Variants in TTC27 observed in about 807,000 individuals in gnomAD.
The protein encoded by TTC27 is tetratricopeptide repeat domain 27.
A neutral mutation model predicts 115.9 loss-of-function variants in TTC27; 79 were observed. That is an observed-to-expected ratio of 0.68 (90% confidence interval 0.57 to 0.82). The LOEUF is 0.82. Ranked by LOEUF, TTC27 falls within the 40% of genes least tolerant of loss-of-function variation. The pLI is 0.00. For synonymous variants in TTC27, 401 were observed against 356.0 expected, an observed-to-expected ratio of 1.13 and a Z score of -1.42; for missense variants, 1,054 against 993.1, an observed-to-expected ratio of 1.06 and a Z score of -0.82.
chr2:32,801,364 T>G (rs1670928256), intron 16 of TTC27, among the ~76,000 whole-genome samples: 1 of 152,172 alleles, frequency 6.6e-6, no homozygotes, highest in Non-Finnish European at 1.5e-5. Context: ...TTCTGCACCT[T>G]TTCCAGCTTC....
At chr2:32,659,894 T>C (rs576609274) in intron 5 of TTC27, among the ~76,000 whole-genome samples, 2 of 152,304 alleles carry the variant, frequency 1.3e-5, no homozygotes, top group Non-Finnish European at 2.9e-5. Flanking sequence ...ATGTGCCACA[T>C]TTTCTTTATC....
chr2:32,630,735 G>C, intron 2 of TTC27, 35 bp downstream of exon 2: 2 of 1,570,466 alleles, frequency 1.3e-6, no homozygotes, highest in Non-Finnish European at 1.7e-6. Flanking sequence ...TAGAGGAACA[G>C]AGCAAATACA....
chr2:32,638,896 A>C (rs1335038775), intron 3 of TTC27, among the ~76,000 whole-genome samples: 2 of 151,698 alleles, frequency 1.3e-5, no homozygotes, highest in Non-Finnish European at 2.9e-5. Context: ...GCAGTGGCAC[A>C]ATCTGGGCTC....
At chr2:32,673,942 G>A (rs931991545) in intron 8 of TTC27, among the ~76,000 whole-genome samples, 6 of 151,968 alleles carry the variant, frequency 3.9e-5, no homozygotes, top group African/African-American at 1.2e-4. Context: ...CTGAGATCAC[G>A]CCACTGCACT....
chr2:32,628,787 A>G lies in TTC27; in HGVS notation c.88+407A>G, dbSNP rs899092306. ...TTTATTTATTTATTTATTGAGACGG[A>G]GTTTTGCTTTTTGCCCAGGCTGGAG... is the stretch of plus-strand genomic sequence containing the variant. On this transcript the variant is annotated intron_variant, in intron 1 of 19. Transcript: ENST00000317907. 4.0e-5 allele frequency among the ~76,000 whole-genome samples: 6 copies of G among 149,848 alleles called. No individual in the cohort carries two copies. In the South Asian group the frequency reaches 1.3e-3, roughly 32 times the overall value.
intron 13 of TTC27, among the ~76,000 whole-genome samples, chr2:32,774,146 T>C (rs1006303263): frequency 2.6e-5 from 4 of 151,648 alleles, no homozygotes; most frequent in Admixed American, 6.6e-5. Context: ...TAGAGTTAAA[T>C]AAAATGTTAT....
intron 3 of TTC27, among the ~76,000 whole-genome samples, chr2:32,636,237 G>A (rs555988314): frequency 5.3e-5 from 8 of 152,048 alleles, no homozygotes; most frequent in South Asian, 4.1e-4. Flanking sequence ...GTTTTGAGAC[G>A]GAGTCTCACT....
At chr2:32,660,505 C>A (rs1178937630) in intron 5 of TTC27, among the ~76,000 whole-genome samples, 2 of 152,202 alleles carry the variant, frequency 1.3e-5, no homozygotes, top group African/African-American at 4.8e-5. Flanking sequence ...GAACAGAAAA[C>A]CGAACACTGC....
intron 13 of TTC27, among the ~76,000 whole-genome samples, chr2:32,767,555 A>G (rs1008692457): frequency 7.3e-6 from 1 of 136,758 alleles, no homozygotes; most frequent in Non-Finnish European, 1.5e-5. Flanking sequence ...TCCGCTTCCC[A>G]GGTTCACGCC....
chr2:32,788,694 C>T (rs887203925), intron 16 of TTC27, among the ~76,000 whole-genome samples: 1 of 152,116 alleles, frequency 6.6e-6, no homozygotes, highest in Non-Finnish European at 1.5e-5. Context: ...ACTGGCTCAC[C>T]AGGTTGGCTT....
chr2:32,665,558 A>G (rs1260468911), intron 6 of TTC27, among the ~76,000 whole-genome samples: 1 of 152,192 alleles, frequency 6.6e-6, no homozygotes, highest in African/African-American at 2.4e-5. Context: ...AAATATGAGA[A>G]TCAGGTTATT....
At chr2:32,647,575 G>T (rs569319945) in intron 4 of TTC27, among the ~76,000 whole-genome samples, 2 of 152,202 alleles carry the variant, frequency 1.3e-5, no homozygotes, top group African/African-American at 4.8e-5. Flanking sequence ...CATCACGGTT[G>T]TAGTAGTTGT....
At chr2:32,668,999 A>T (rs1665905582) in intron 7 of TTC27, among the ~76,000 whole-genome samples, 2 of 152,094 alleles carry the variant, frequency 1.3e-5, no homozygotes. Flanking sequence ...GAATGGCGTG[A>T]ACCCGGGAGG....
rs532095651 is a variant in TTC27 at position 32,787,126 on chromosome 2, C to T, written c.1975C>T (p.Arg659Cys). 4.4e-5 allele frequency: 71 copies of T among 1,612,748 alleles called. No individual in the cohort carries two copies. Among genetic ancestry groups the T allele is most frequent in the Middle Eastern group, 1.7e-4 (1 of 6,056 alleles). The part of the protein sequence containing the change: ...IKAYHRLLDL[R>C]DKYKDVQVLK... ...AGCTTATCACCGGCTCTTGGACTTA[C>T]GTGACAAATACAAAGATGTTCAGGT... Residue 659 changes from arginine (R) to cysteine (C), a missense_variant, in exon 16 of 20, where the codon CGT becomes TGT. Transcript: ENST00000317907.
chr2:32,726,521 C>G (rs980459547), intron 10 of TTC27, among the ~76,000 whole-genome samples: 1 of 152,204 alleles, frequency 6.6e-6, no homozygotes, highest in Non-Finnish European at 1.5e-5. Context: ...TTCCTCATCT[C>G]CATCTGAGAC....
chr2:32,705,189 C>T (rs1667325096), intron 10 of TTC27, among the ~76,000 whole-genome samples: 1 of 152,064 alleles, frequency 6.6e-6, no homozygotes, highest in African/African-American at 2.4e-5. Flanking sequence ...TCTGAGAGAG[C>T]CTGGCTTCTC....
chr2:32,732,725 A>G (rs937666155), intron 10 of TTC27, among the ~76,000 whole-genome samples: 1 of 152,208 alleles, frequency 6.6e-6, no homozygotes, highest in Non-Finnish European at 1.5e-5. Context: ...AGTTGCCAAC[A>G]TGGTGCTTCA....
At chr2:32,749,387 C>T (rs572190600) in intron 12 of TTC27, among the ~76,000 whole-genome samples, 33 of 152,246 alleles carry the variant, frequency 2.2e-4, no homozygotes, top group Non-Finnish European at 1.3e-4. Flanking sequence ...CTAGTTTTCA[C>T]GAAGATTGCA....
chr2:32,667,841 G>T (rs1483825566), intron 7 of TTC27, among the ~76,000 whole-genome samples: 4 of 149,864 alleles, frequency 2.7e-5, no homozygotes, highest in African/African-American at 9.8e-5. Flanking sequence ...ATCACTTGAG[G>T]TCAGGAGTTC....
Sources: allele counts gnomAD v4.1 joint callset (sites outside exome capture counted in the v4.1 genomes callset), GRCh38; gene constraint gnomAD v4.1.1; transcripts MANE v1.5; gene names NCBI Gene and HGNC (gene_info 2026-07-23, HGNC 2026-07-21).